ANKRD11: variants seen among roughly 807,000 people sequenced by gnomAD.
ANKRD11 encodes ankyrin repeat domain-containing protein 11.
ANKRD11 carries 17 observed loss-of-function variants against 195.7 expected under a neutral mutation model. The observed-to-expected ratio is 0.09, with a 90% CI of 0.06 to 0.13. The LOEUF is 0.13. ANKRD11 is among the 10% of genes least tolerant of loss of function. ANKRD11 has a pLI of 1.00. For missense variants in ANKRD11, 3,735 were observed against 3,566.1 expected (o/e 1.05, Z -1.21); for synonymous variants, 1,953 against 1,528.1 (o/e 1.28, Z -6.49).
At chr16:89,316,822 G>A (rs956148168) in intron 3 of ANKRD11, 111 bp downstream of exon 3, 47 of 1,323,162 alleles carry the variant, frequency 3.6e-5, no homozygotes, top group Admixed American at 7.9e-5. Flanking sequence ...ACAGAGGCAC[G>A]AGGAAAGGGC....
chr16:89,298,555 G>A (rs1467045408), intron 4 of ANKRD11, among the ~76,000 whole-genome samples: 1 of 152,218 alleles, frequency 6.6e-6, no homozygotes, highest in African/African-American at 2.4e-5. Context: ...CCCCTCACTT[G>A]GCTGACTGCT....
At chr16:89,474,019 C>T (rs144493217) in intron 1 of ANKRD11, among the ~76,000 whole-genome samples, 18 of 152,322 alleles carry the variant, frequency 1.2e-4, no homozygotes, top group South Asian at 2.1e-4. Flanking sequence ...AGGGGCCATG[C>T]GCCAAGCAAG....
Position 89,316,921 on chromosome 16 carries a change from G to C in ANKRD11, c.87+12C>G, listed in dbSNP as rs952828787. 2 of 1,612,098 alleles carry C rather than the reference G, an allele frequency of 1.2e-6. No individual in the cohort carries two copies. The highest frequency in any genetic ancestry group is 2.2e-5 in the East Asian group (1 of 44,846). ...GCGGTGAGCATGCAGGGCTGGGAGG[G>C]GGCAGCATTACCTTTTTCCCAGTCT... is the stretch of plus-strand genomic sequence containing the variant. On this transcript the variant is annotated intron_variant, in intron 3 of 12. Coordinates refer to ENST00000301030, the MANE Select transcript of ANKRD11 (RefSeq NM_013275.6).
intron 12 of ANKRD11, 29 bp from the exon 13 acceptor site, chr16:89,268,692 G>A (rs1350249354): frequency 5.1e-6 from 8 of 1,563,708 alleles, no homozygotes; most frequent in Non-Finnish European, 6.9e-6. Flanking sequence ...GGAGAGGAGG[G>A]AGGAGGAGTG....
chr16:89,302,921 C>G (rs974446831), intron 4 of ANKRD11, among the ~76,000 whole-genome samples: 10 of 152,198 alleles, frequency 6.6e-5, no homozygotes, highest in Non-Finnish European at 1.5e-4. Context: ...CCCAGAGACC[C>G]ACAGAGAGCG....
At chr16:89,437,709 G>T (rs543751388) in intron 1 of ANKRD11, among the ~76,000 whole-genome samples, 1 of 152,262 alleles carries the variant, frequency 6.6e-6, no homozygotes, top group East Asian at 1.9e-4. Flanking sequence ...GGAGGCTGTG[G>T]TGCCCTGGCC....
rs763570873 is a variant in ANKRD11, at chr16:89,268,683, G to GA, written c.7807-21dup. The GA allele has an allele frequency of 6.4e-7, 1 of 1,571,192 alleles. No individual in the cohort carries two copies. The highest frequency in any genetic ancestry group is 1.3e-5 in the African/African-American group (1 of 74,446). ...GCAAGTCTGCGGGACACACAGCGGGGAGAGGAGGGAGGAGGAGTGAAGGGA... is the reference window on the plus strand; with the variant it reads ...GCAAGTCTGCGGGACACACAGCGGGGAAGAGGAGGGAGGAGGAGTGAAGGGA... On this transcript the variant is annotated intron_variant, in intron 12 of 12. Coordinates refer to ENST00000301030, the MANE Select transcript of ANKRD11 (RefSeq NM_013275.6).
At chr16:89,269,265 CCCT>C (rs1489244476) in intron 12 of ANKRD11, among the ~76,000 whole-genome samples, 3 of 152,068 alleles carry the variant, frequency 2.0e-5, no homozygotes, top group Non-Finnish European at 4.4e-5. Context: ...AAGGGATCCT[CCCT>C]CCTCAACCTC....
intron 2 of ANKRD11, among the ~76,000 whole-genome samples, chr16:89,374,346 T>A (rs748941): frequency 0.57 from 83,764 of 145,956 alleles, 23,284 homozygotes; most frequent in Middle Eastern, 0.73. Flanking sequence ...GTAAAAAAAA[T>A]AATAATAATA....
At chr16:89,401,731 C>G (rs1199642676) in intron 2 of ANKRD11, among the ~76,000 whole-genome samples, 1 of 152,146 alleles carries the variant, frequency 6.6e-6, no homozygotes, top group Non-Finnish European at 1.5e-5. Context: ...GGCCCTCACC[C>G]CACAGAACTA....
intron 1 of ANKRD11, 131 bp downstream of exon 1, chr16:89,490,114 C>T (rs1204374121): frequency 1.4e-5 from 2 of 147,952 alleles, no homozygotes; most frequent in African/African-American, 2.4e-5. Flanking sequence ...CCCACCCGGC[C>T]CCGACCCCCC....
chr16:89,344,697 G>C (rs1395788079), intron 2 of ANKRD11, among the ~76,000 whole-genome samples: 1 of 152,138 alleles, frequency 6.6e-6, no homozygotes, highest in Non-Finnish European at 1.5e-5. Context: ...GACACCTTCA[G>C]ACTGGGAAGA....
intron 4 of ANKRD11, chr16:89,298,812 G>C (rs1365493997): frequency 6.6e-6 from 1 of 152,224 alleles, no homozygotes; most frequent in Non-Finnish European, 1.5e-5. Flanking sequence ...AACTGCTTAC[G>C]TCTAGAGAGG....
intron 2 of ANKRD11, among the ~76,000 whole-genome samples, chr16:89,381,331 C>CAAAAAAAAAAAAAAAA (rs10567322): frequency 2.5e-4 from 19 of 76,352 alleles, no homozygotes; most frequent in African/African-American, 1.0e-3. Context: ...GACTCTGCTG[C>CAAAAAAAAAAAAAAAA]AAAAAAAAAA....
At chr16:89,310,013 G>A (rs2036522999) in intron 3 of ANKRD11, among the ~76,000 whole-genome samples, 1 of 152,222 alleles carries the variant, frequency 6.6e-6, no homozygotes, top group Non-Finnish European at 1.5e-5. Flanking sequence ...CCACTCATGG[G>A]AAGCACACAC....
At chr16:89,313,482 C>T (rs546533893) in intron 3 of ANKRD11, 80 of 1,289,158 alleles carry the variant, frequency 6.2e-5, no homozygotes, top group Admixed American at 2.5e-4. Context: ...CAAAGGGACA[C>T]GCACAAGCCG....
chr16:89,455,376 G>A (rs1428813080), intron 1 of ANKRD11, among the ~76,000 whole-genome samples: 1 of 152,098 alleles, frequency 6.6e-6, no homozygotes, highest in Non-Finnish European at 1.5e-5. Context: ...CTCCCCTTAA[G>A]TGCTGTGGCA....
intron 2 of ANKRD11, among the ~76,000 whole-genome samples, chr16:89,349,497 A>T (rs1248362300): frequency 1.3e-5 from 2 of 152,158 alleles, no homozygotes; most frequent in African/African-American, 4.8e-5. Flanking sequence ...CCAAAAATAG[A>T]CCCACATAAA....
rs112375203 is a variant in ANKRD11, at chr16:89,383,615, C to T, written c.-60+34669G>A. ...CGAAGAGCCTCCCATGGTGTCACGT[C>T]GAGCCCCTGCCCTCGGACCAGCAAC... is the stretch of plus-strand genomic sequence containing the variant. On this transcript the variant is annotated intron_variant, in intron 2 of 12. Transcript: ENST00000301030. 7.4e-3 allele frequency among the ~76,000 whole-genome samples: 1,125 copies of T among 152,222 alleles called. 15 individuals carry two copies. The highest frequency in any genetic ancestry group is 0.025 in the African/African-American group (1,049 of 41,522).
Sources: allele counts gnomAD v4.1 joint callset (sites outside exome capture counted in the v4.1 genomes callset), GRCh38; gene constraint gnomAD v4.1.1; transcripts MANE v1.5; gene names NCBI Gene and HGNC (gene_info 2026-07-23, HGNC 2026-07-21).